The following ACSM2B variants were observed in gnomAD, a reference collection of about 807,000 sequenced individuals.
ACSM2B encodes acyl-CoA synthetase medium chain family member 2B, also known as acyl-coenzyme A synthetase ACSM2B, mitochondrial.
ACSM2B carries 58 observed loss-of-function variants against 78.6 expected under a neutral mutation model. That is an observed-to-expected ratio of 0.74 (90% CI 0.60 to 0.92). The LOEUF (loss-of-function observed/expected upper bound fraction) is 0.92, where lower values mean the gene tolerates loss of function less well. Ranked by LOEUF, ACSM2B falls within the 40% of genes least tolerant of loss-of-function variation. The probability of loss-of-function intolerance (pLI) is 0.00; values close to 1 mark genes in which losing one functional copy is unlikely to be tolerated. For synonymous variants in ACSM2B, 257 were observed against 256.8 expected (o/e 1.00, Z -0.01); for missense variants, 688 against 711.2 (o/e 0.97, Z 0.37).
At chr16:20,545,789 C>A (rs13338307) in intron 9 of ACSM2B, among the ~76,000 whole-genome samples, 4,133 of 152,116 alleles carry the variant, frequency 0.027, 157 homozygotes, top group African/African-American at 0.087. Flanking sequence ...CACTGAATAG[C>A]GTCTAAGTTA....
intron 13 of ACSM2B, among the ~76,000 whole-genome samples, chr16:20,540,022 G>A (rs376995746): frequency 6.6e-6 from 1 of 152,164 alleles, no homozygotes; most frequent in African/African-American, 2.4e-5. Context: ...ACTGAGCGTT[G>A]CACAACCCTG....
intron 8 of ACSM2B, chr16:20,547,159 C>A (rs1431066044): frequency 9.8e-7 from 1 of 1,016,618 alleles, no homozygotes; most frequent in Non-Finnish European, 1.2e-6. Context: ...CTGGAAAGGG[C>A]AAGTTGATTG....
At chr16:20,558,186 C>T (rs944610364) in intron 3 of ACSM2B, among the ~76,000 whole-genome samples, 10 of 152,124 alleles carry the variant, frequency 6.6e-5, no homozygotes, top group African/African-American at 2.2e-4. Flanking sequence ...TCAGACCTTG[C>T]ATTCTGATGG....
chr16:20,555,207 T>C (rs2015434003), intron 4 of ACSM2B, 62 bp downstream of exon 4: 8 of 1,609,780 alleles, frequency 5.0e-6, no homozygotes, highest in Non-Finnish European at 5.9e-6. Flanking sequence ...CACCTGCACC[T>C]AAGTGCTTGG....
At position 20,559,435 on chromosome 16, in the gene ACSM2B, G is replaced by T. The variant is rs745409071; in HGVS notation, c.190C>A (p.Leu64Ile). The change falls in exon 3 of 14, where the codon CTC becomes ATC. Residue 64 changes from leucine (L) to isoleucine (I), a missense_variant. Transcript: ENST00000329697. ...ACCCACCACAGGGCTGGGCTTGGGAGTCGCTTGCCAGCCTGAGGAAAGAGA... is the reference window on the plus strand; with the variant it reads ...ACCCACCACAGGGCTGGGCTTGGGATTCGCTTGCCAGCCTGAGGAAAGAGA... Reference protein sequence around the residue: ...WADMEKAGKRLPSPALWWVNG... With the variant: ...WADMEKAGKRIPSPALWWVNG... 6.2e-7 allele frequency: 1 copy of T among 1,612,836 alleles called. No homozygotes were observed. The highest frequency in any genetic ancestry group is 1.1e-5 in the South Asian group (1 of 90,786).
intron 6 of ACSM2B, chr16:20,549,695 C>T: frequency 2.4e-6 from 1 of 422,630 alleles, no homozygotes; most frequent in South Asian, 1.8e-5. Context: ...GAACACGTGC[C>T]CAAGGTGGTC....
intron 13 of ACSM2B, among the ~76,000 whole-genome samples, chr16:20,537,567 A>ATTT (rs1483452932): frequency 6.6e-6 from 1 of 152,150 alleles, no homozygotes; most frequent in East Asian, 1.9e-4. Context: ...TATTTGACAT[A>ATTT]TTTTCAGACA....
At chr16:20,573,123 G>T (rs1302243685) in intron 1 of ACSM2B, among the ~76,000 whole-genome samples, 1 of 151,490 alleles carries the variant, frequency 6.6e-6, no homozygotes, top group African/African-American at 2.4e-5. Flanking sequence ...GATTTTTGGG[G>T]GGAGGTGTTA....
chr16:20,567,845 A>T (rs2015974543), intron 1 of ACSM2B, among the ~76,000 whole-genome samples: 1 of 141,918 alleles, frequency 7.0e-6, no homozygotes. Context: ...CTATTATATA[A>T]TATATTTTAT....
At chr16:20,546,513 G>A in intron 8 of ACSM2B, 39 bp from the exon 9 acceptor site, 1 of 1,579,386 alleles carries the variant, frequency 6.3e-7, no homozygotes, top group African/African-American at 1.4e-5. Context: ...ACCTCAGGAG[G>A]AGGTACAAGG....
intron 5 of ACSM2B, 82 bp downstream of exon 5, chr16:20,553,695 C>A (rs2015383438): frequency 1.9e-6 from 3 of 1,560,282 alleles, no homozygotes; most frequent in Non-Finnish European, 8.7e-7. Context: ...GGTGACACAG[C>A]CCAGGAGCAT....
At position 20,547,375 on chromosome 16, in the gene ACSM2B, G is replaced by T. The variant is rs540008389; in HGVS notation, c.1098+687C>A. 159 of 985,248 alleles carry T rather than the reference G, an allele frequency of 1.6e-4. 1 individual carries two copies. In the African/African-American group the frequency reaches 2.5e-3, roughly 15 times the overall value. 61.0% of individuals were successfully genotyped at this position (985,248 alleles called of 1,614,324 possible). A position where few individuals can be genotyped will look rare whatever the true frequency, so the allele number is the denominator to read the frequency against. On this transcript the variant is annotated intron_variant, in intron 8 of 13. Coordinates refer to ENST00000329697, the MANE Select transcript of ACSM2B (RefSeq NM_001105069.2). ...GAGCTGCCATCAACACTCTGCAAAAGTTCTACCAAGGGTACTCATTAGCTA... is the reference window on the plus strand; with the variant it reads ...GAGCTGCCATCAACACTCTGCAAAATTTCTACCAAGGGTACTCATTAGCTA...
At chr16:20,551,145 T>C (rs960637170) in intron 6 of ACSM2B, among the ~76,000 whole-genome samples, 4 of 152,162 alleles carry the variant, frequency 2.6e-5, no homozygotes, top group Non-Finnish European at 4.4e-5. Flanking sequence ...ATAAAATTAA[T>C]CTATGGTGAT....
At chr16:20,545,340 A>C (rs560851234) in intron 9 of ACSM2B, 82 bp from the exon 10 acceptor site, 12 of 1,506,212 alleles carry the variant, frequency 8.0e-6, no homozygotes, top group Middle Eastern at 3.5e-4. Flanking sequence ...TGAGTTGGTC[A>C]AATGAAAGAC....
chr16:20,562,583 A>G (rs1317914450), intron 2 of ACSM2B, among the ~76,000 whole-genome samples: 1 of 152,192 alleles, frequency 6.6e-6, no homozygotes, highest in Non-Finnish European at 1.5e-5. Flanking sequence ...GGATGACAAC[A>G]GTCTCTTCCT....
In ACSM2B at chr16:20,556,689, T is replaced by C. The variant is rs568980933; in HGVS notation, c.389-1213A>G. Among the ~76,000 whole-genome samples the C allele has an allele frequency of 3.9e-5, 6 of 152,316 alleles. No homozygotes were observed. In the South Asian group the frequency reaches 1.0e-3, roughly 26 times the overall value. ...TAAACCACATGCCCGTCCTGTTAAATAGCTTTTAACCTTAGCTCACTTTCT... is the reference window on the plus strand; with the variant it reads ...TAAACCACATGCCCGTCCTGTTAAACAGCTTTTAACCTTAGCTCACTTTCT... On this transcript the variant is annotated intron_variant, in intron 3 of 13. Transcript: ENST00000329697.
chr16:20,575,834 C>T (rs1389091065), intron 1 of ACSM2B: 1 of 151,078 alleles, frequency 6.6e-6, no homozygotes, highest in African/African-American at 2.4e-5. Flanking sequence ...ATTACTGTAC[C>T]AGCTCCTGAG....
Position 20,545,156 on chromosome 16 carries a change from C to G in ACSM2B, c.1281+1G>C. ...AGAGGAGGAGAAGCACAGTTTCTCA[C>G]CACATAGCCAGAGAAGATGCCTATA... On this transcript the variant is annotated splice_donor_variant, in intron 10 of 13. Transcript: ENST00000329697. LOFTEE classifies it high-confidence loss of function. 1 of 1,611,434 alleles carries G rather than the reference C, an allele frequency of 6.2e-7. No homozygotes were observed. Among genetic ancestry groups the G allele is most frequent in the Non-Finnish European group, 8.5e-7 (1 of 1,178,130 alleles).
In ACSM2B at chr16:20,542,979, G is replaced by C. The variant is rs754959935; in HGVS notation, c.1444C>G (p.Leu482Val). Reference protein sequence around the residue: ...RIGPSEVENALMKHPAVVETA... With the variant: ...RIGPSEVENAVMKHPAVVETA... ...TCAACCACAGCAGGGTGCTTCATCA[G>C]TGCATTCTCTACCTCCGAGGGTCCA... is the stretch of plus-strand genomic sequence containing the variant. The change falls in exon 12 of 14, where the codon CTG (leucine) becomes GTG (valine). Residue 482 changes from leucine to valine, a missense_variant. Physicochemically the swap from Leu to Val is conservative, Grantham distance 32. Transcript: ENST00000329697. 3 of 1,613,646 alleles carry C rather than the reference G, an allele frequency of 1.9e-6. No individual in the cohort carries two copies. In the Middle Eastern group the frequency reaches 5.0e-4, roughly 266 times the overall value.
Sources: allele counts gnomAD v4.1 joint callset (sites outside exome capture counted in the v4.1 genomes callset), GRCh38; gene constraint gnomAD v4.1.1; transcripts MANE v1.5; gene names NCBI Gene and HGNC (gene_info 2026-07-23, HGNC 2026-07-21).